PHF2: variants seen among roughly 807,000 people sequenced by gnomAD.
PHF2 encodes the protein lysine-specific demethylase PHF2.
In PHF2, 27 loss-of-function variants were observed where a neutral mutation model predicts 120.5. That is an observed-to-expected ratio of 0.22 (90% confidence interval 0.17 to 0.31). PHF2 has a LOEUF of 0.31. Among genes scored for constraint, PHF2 ranks in the 10% least tolerant of loss-of-function variants. The pLI is 1.00. For synonymous variants in PHF2, 568 were observed against 592.5 expected (o/e 0.96, Z 0.60); for missense variants, 1,024 against 1,434.8 (o/e 0.71, Z 4.63).
intron 20 of PHF2, 100 bp from the exon 21 acceptor site, chr9:93,676,494 T>G: frequency 7.0e-7 from 1 of 1,419,302 alleles, no homozygotes; most frequent in East Asian, 2.3e-5. Flanking sequence ...CCAGCCCTGC[T>G]GTGCTCAAGG....
intron 1 of PHF2, among the ~76,000 whole-genome samples, chr9:93,586,291 A>C (rs761781843): frequency 6.6e-6 from 1 of 152,210 alleles, no homozygotes; most frequent in African/African-American, 2.4e-5. Flanking sequence ...TGCTTGTGGA[A>C]TCTCTCCTTG....
chr9:93,588,344 G>A (rs2131602287), intron 1 of PHF2, among the ~76,000 whole-genome samples: 1 of 152,320 alleles, frequency 6.6e-6, no homozygotes, highest in East Asian at 1.9e-4. Flanking sequence ...GCAGCTCCAG[G>A]TGAGCTCTGG....
chr9:93,676,524 C>T (rs902399580), intron 20 of PHF2, 70 bp from the exon 21 acceptor site: 34 of 1,527,040 alleles, frequency 2.2e-5, no homozygotes, highest in Middle Eastern at 3.8e-4. Flanking sequence ...AAGGCCATGC[C>T]GGGAGCTCCC....
intron 19 of PHF2, 143 bp downstream of exon 19, chr9:93,675,165 G>C: frequency 1.5e-6 from 1 of 666,906 alleles, no homozygotes; most frequent in Middle Eastern, 2.7e-4. Context: ...CGTCCCGCTG[G>C]GGTTGGTCAG....
intron 3 of PHF2, 37 bp downstream of exon 3, chr9:93,636,562 C>T: frequency 7.4e-7 from 1 of 1,352,900 alleles, no homozygotes; most frequent in Non-Finnish European, 1.0e-6. Flanking sequence ...CCACCTGCAG[C>T]CAGGGGATGC....
intron 1 of PHF2, among the ~76,000 whole-genome samples, chr9:93,583,759 G>A (rs1285987351): frequency 6.6e-6 from 1 of 150,554 alleles, no homozygotes; most frequent in Non-Finnish European, 1.5e-5. Context: ...TGGATTGCTT[G>A]TCTTTTTATT....
At position 93,677,856 on chromosome 9, in the gene PHF2, C is replaced by A; in HGVS notation, c.*180C>A. ...GCAGAGCGAGCCCAGCGTGGCCCCT[C>A]AATTTGAAAATGGACGTCTTTTCTC... On this transcript the variant is annotated 3_prime_UTR_variant, in exon 22 of 22. Coordinates refer to ENST00000359246, the MANE Select transcript of PHF2 (RefSeq NM_005392.4). The surrounding 1 kb of genome is among the most constrained non-coding windows in gnomAD (Gnocchi z 4.4). 8.6e-6 allele frequency: 5 copies of A among 579,540 alleles called. No individual in the cohort carries two copies. Among genetic ancestry groups the A allele is most frequent in the East Asian group, 2.9e-5 (1 of 34,072 alleles). The allele number at this position is 579,540 out of a possible 1,614,324, so 35.9% of individuals were successfully genotyped here. A position where few individuals can be genotyped will look rare whatever the true frequency, so the allele number is the denominator to read the frequency against.
rs1171745540 is a variant in PHF2, at chr9:93,677,002, C to T, written c.3202+39C>T. On this transcript the variant is annotated intron_variant, in intron 21 of 21. Coordinates refer to ENST00000359246, the MANE Select transcript of PHF2 (RefSeq NM_005392.4). This position sits in a 1 kb window ranked among gnomAD's most constrained non-coding sequence, Gnocchi z 4.4. ...TGGAGGGAGCCTGCAGCCCCCCTGC[C>T]CTGCCTGCCCCCATGGGCAGCCCCA... is the stretch of plus-strand genomic sequence containing the variant. 1.4e-6 allele frequency: 2 copies of T among 1,477,244 alleles called. No individual in the cohort carries two copies. The highest frequency in any genetic ancestry group is 1.4e-5 in the South Asian group (1 of 72,106). 91.5% of individuals were successfully genotyped at this position (1,477,244 alleles called of 1,614,324 possible). A position where few individuals can be genotyped will look rare whatever the true frequency, so the allele number is the denominator to read the frequency against.
intron 1 of PHF2, among the ~76,000 whole-genome samples, chr9:93,620,025 C>T (rs1364511344): frequency 6.6e-6 from 1 of 152,208 alleles, no homozygotes; most frequent in Admixed American, 6.5e-5. Flanking sequence ...TGGGCTTCAG[C>T]TCAGCCAAAT....
intron 1 of PHF2, among the ~76,000 whole-genome samples, chr9:93,617,149 C>T (rs1825742676): frequency 1.3e-5 from 2 of 152,152 alleles, no homozygotes; most frequent in African/African-American, 4.8e-5. Context: ...AGGTGTCGGT[C>T]ATTCCTGGCT....
At chr9:93,626,023 A>C (rs1269793297) in intron 1 of PHF2, among the ~76,000 whole-genome samples, 1 of 152,044 alleles carries the variant, frequency 6.6e-6, no homozygotes, top group African/African-American at 2.4e-5. Flanking sequence ...TGGGTGGATC[A>C]TCTGAGGTAA....
chr9:93,630,682 G>A (rs540710155), intron 2 of PHF2, among the ~76,000 whole-genome samples: 9 of 152,322 alleles, frequency 5.9e-5, no homozygotes, highest in African/African-American at 2.2e-4. Context: ...TGCAGGTTCA[G>A]CCAGGTGAGC....
intron 12 of PHF2, 130 bp downstream of exon 12, chr9:93,660,690 G>T: frequency 2.4e-6 from 2 of 849,226 alleles, no homozygotes; most frequent in Non-Finnish European, 3.4e-6. Flanking sequence ...AAGATGTGGG[G>T]GTCTGGGCTC....
chr9:93,621,417 T>C (rs1400953220), intron 1 of PHF2, among the ~76,000 whole-genome samples: 1 of 152,226 alleles, frequency 6.6e-6, no homozygotes, highest in East Asian at 1.9e-4. Context: ...AAGGCAGCTG[T>C]CCTGGCCAAG....
chr9:93,598,126 C>T (rs1379130885), intron 1 of PHF2, among the ~76,000 whole-genome samples: 1 of 152,164 alleles, frequency 6.6e-6, no homozygotes, highest in Non-Finnish European at 1.5e-5. Context: ...CTCCTCAGGC[C>T]CCTTGCGGGG....
At chr9:93,652,886 T>C (rs555063770) in intron 5 of PHF2, among the ~76,000 whole-genome samples, 1 of 152,318 alleles carries the variant, frequency 6.6e-6, no homozygotes, top group African/African-American at 2.4e-5. Flanking sequence ...CGCTTTCCAG[T>C]TCCCAGGAAA....
intron 1 of PHF2, among the ~76,000 whole-genome samples, chr9:93,617,515 C>A (rs12551314): frequency 0.13 from 20,187 of 152,108 alleles, 1,373 homozygotes; most frequent in East Asian, 0.2. Flanking sequence ...TCCCAAGAGG[C>A]AATTGTGGGG....
chr9:93,594,196 C>A (rs377183780), intron 1 of PHF2, among the ~76,000 whole-genome samples: 9 of 101,020 alleles, frequency 8.9e-5, no homozygotes, highest in Non-Finnish European at 1.6e-4. Flanking sequence ...ACCCCCCCCC[C>A]CTCCATTAAT....
chr9:93,669,587 C>T (rs1209118726), intron 17 of PHF2, among the ~76,000 whole-genome samples: 1 of 152,242 alleles, frequency 6.6e-6, no homozygotes, highest in African/African-American at 2.4e-5. Context: ...ATGTCTCAGA[C>T]AGGGCCTGGG....
Sources: allele counts gnomAD v4.1 joint callset (sites outside exome capture counted in the v4.1 genomes callset), GRCh38; gene constraint gnomAD v4.1.1; non-coding constraint Gnocchi (gnomAD v3.1); transcripts MANE v1.5; gene names NCBI Gene and HGNC (gene_info 2026-07-23, HGNC 2026-07-21).